The following PDZRN4 variants were observed in gnomAD, a reference collection of about 807,000 sequenced individuals.
PDZRN4 encodes the protein PDZ domain-containing RING finger protein 4.
A neutral mutation model predicts 99.0 loss-of-function variants in PDZRN4; 70 were observed. The ratio of observed to expected loss-of-function variants is 0.71; its 90% CI spans 0.58 to 0.86. The LOEUF is 0.86. PDZRN4 is among the 40% of genes least tolerant of loss of function. The pLI, the probability that PDZRN4 is intolerant of heterozygous loss-of-function variation, is 0.00. For missense variants in PDZRN4, 1,474 were observed against 1,331.2 expected, an observed-to-expected ratio of 1.11 and a Z score of -1.67; for synonymous variants, 551 against 501.6, an observed-to-expected ratio of 1.10 and a Z score of -1.32.
intron 3 of PDZRN4, among the ~76,000 whole-genome samples, chr12:41,424,455 T>G (rs1952518073): frequency 6.6e-6 from 1 of 152,222 alleles, no homozygotes; most frequent in Admixed American, 6.5e-5. Context: ...CTGACATTAC[T>G]GAATAATCAT....
In PDZRN4 at chr12:41,527,788, A is replaced by G. The variant is rs80251652; in HGVS notation, c.1203+17875A>G. Among the ~76,000 whole-genome samples, 1,056 of 152,298 alleles carry G rather than the reference A, an allele frequency of 6.9e-3. 13 individuals are homozygous for G. Among genetic ancestry groups the G allele is most frequent in the African/African-American group, 0.024 (1,003 of 41,564 alleles). On this transcript the variant is annotated intron_variant, in intron 5 of 9. Transcript: ENST00000402685. ...TAAGTGAGACGACAGTGGGGAATGC[A>G]GGCTTATTTGTAACGGCACAGCTGC...
chr12:41,469,884 C>G (rs544302962), intron 3 of PDZRN4, among the ~76,000 whole-genome samples: 17 of 152,050 alleles, frequency 1.1e-4, no homozygotes, highest in Non-Finnish European at 2.4e-4. Flanking sequence ...GAGCAGAGAT[C>G]ACGCCACTGC....
At chr12:41,543,851 C>T (rs2120775360) in intron 5 of PDZRN4, among the ~76,000 whole-genome samples, 1 of 152,256 alleles carries the variant, frequency 6.6e-6, no homozygotes, top group African/African-American at 2.4e-5. Context: ...TCACTATACC[C>T]AGTGAACTAA....
intron 9 of PDZRN4, among the ~76,000 whole-genome samples, chr12:41,568,477 T>C (rs1228203748): frequency 6.6e-6 from 1 of 152,190 alleles, no homozygotes; most frequent in African/African-American, 2.4e-5. Flanking sequence ...TAGCATAGTT[T>C]GAGATTATTA....
intron 3 of PDZRN4, among the ~76,000 whole-genome samples, chr12:41,257,320 G>C (rs538410016): frequency 6.6e-6 from 1 of 152,172 alleles, no homozygotes; most frequent in African/African-American, 2.4e-5. Context: ...TTCCTCACAT[G>C]GTGGAAGAGG....
intron 3 of PDZRN4, among the ~76,000 whole-genome samples, chr12:41,262,724 G>T: frequency 6.6e-6 from 1 of 152,094 alleles, no homozygotes; most frequent in East Asian, 1.9e-4. Flanking sequence ...GGGGAAACTA[G>T]TCATGAGCTG....
intron 3 of PDZRN4, among the ~76,000 whole-genome samples, chr12:41,200,321 T>A (rs1054873454): frequency 6.6e-6 from 1 of 152,146 alleles, no homozygotes; most frequent in East Asian, 1.9e-4. Flanking sequence ...CCCTAGACAG[T>A]CCCTCAGATT....
At chr12:41,492,962 A>C (rs1193221762) in intron 3 of PDZRN4, among the ~76,000 whole-genome samples, 2 of 152,192 alleles carry the variant, frequency 1.3e-5, no homozygotes, top group African/African-American at 4.8e-5. Flanking sequence ...GTTTTACAGA[A>C]CTAAATATTT....
intron 5 of PDZRN4, among the ~76,000 whole-genome samples, chr12:41,540,203 A>AT (rs1008520926): frequency 2.0e-5 from 3 of 152,150 alleles, no homozygotes; most frequent in Non-Finnish European, 2.9e-5. Context: ...TTACAACAAC[A>AT]TTTTTTGTTA....
At chr12:41,468,449 CATA>C (rs1425850433) in intron 3 of PDZRN4, among the ~76,000 whole-genome samples, 1 of 152,168 alleles carries the variant, frequency 6.6e-6, no homozygotes, top group African/African-American at 2.4e-5. Flanking sequence ...AATGAAATAA[CATA>C]ATATCAAAGA....
At chr12:41,239,582 A>G (rs1382587946) in intron 3 of PDZRN4, among the ~76,000 whole-genome samples, 1 of 152,210 alleles carries the variant, frequency 6.6e-6, no homozygotes, top group African/African-American at 2.4e-5. Flanking sequence ...TGTTCAATTC[A>G]TTTACCAAAT....
chr12:41,493,479 T>C (rs1257732197), intron 3 of PDZRN4, among the ~76,000 whole-genome samples: 1 of 152,168 alleles, frequency 6.6e-6, no homozygotes, highest in Non-Finnish European at 1.5e-5. Context: ...ATGACTCTAT[T>C]TGGTGGAGAT....
At chr12:41,467,857 G>A (rs892837207) in intron 3 of PDZRN4, among the ~76,000 whole-genome samples, 2 of 152,122 alleles carry the variant, frequency 1.3e-5, no homozygotes, top group Non-Finnish European at 2.9e-5. Context: ...CATAATTCAT[G>A]GTGTATTCCC....
intron 3 of PDZRN4, among the ~76,000 whole-genome samples, chr12:41,468,814 C>G (rs1379144591): frequency 6.6e-6 from 1 of 152,146 alleles, no homozygotes; most frequent in Non-Finnish European, 1.5e-5. Flanking sequence ...TTCTAATAAG[C>G]CTTTTTTACT....
chr12:41,481,008 C>A (rs1024629262), intron 3 of PDZRN4, among the ~76,000 whole-genome samples: 1 of 151,316 alleles, frequency 6.6e-6, no homozygotes, highest in Non-Finnish European at 1.5e-5. Context: ...TTTTAGACAT[C>A]TTCATTTTCC....
intron 3 of PDZRN4, among the ~76,000 whole-genome samples, chr12:41,456,803 G>T (rs1952820210): frequency 6.6e-6 from 1 of 152,168 alleles, no homozygotes; most frequent in Non-Finnish European, 1.5e-5. Context: ...ACAGAAATGA[G>T]GAGATTCTGC....
At chr12:41,505,300 T>C (rs565595449) in intron 3 of PDZRN4, among the ~76,000 whole-genome samples, 1 of 152,266 alleles carries the variant, frequency 6.6e-6, no homozygotes, top group South Asian at 2.1e-4. Flanking sequence ...TTCAGGGATA[T>C]TGGGCACAGT....
intron 3 of PDZRN4, among the ~76,000 whole-genome samples, chr12:41,245,097 C>T (rs1032518622): frequency 6.6e-6 from 1 of 152,050 alleles, no homozygotes; most frequent in African/African-American, 2.4e-5. Flanking sequence ...CTAGTTACCA[C>T]CCTGGGCACT....
chr12:41,262,502 T>C (rs7133319), intron 3 of PDZRN4, among the ~76,000 whole-genome samples: 60,358 of 152,164 alleles, frequency 0.4, 13,453 homozygotes, highest in South Asian at 0.55. Flanking sequence ...TATTTTGTAA[T>C]GTGTAATTCT....
Sources: allele counts gnomAD v4.1 joint callset (sites outside exome capture counted in the v4.1 genomes callset), GRCh38; gene constraint gnomAD v4.1.1; transcripts MANE v1.5; gene names NCBI Gene and HGNC (gene_info 2026-07-23, HGNC 2026-07-21).